SGCZ: variants seen among roughly 807,000 people sequenced by gnomAD.
SGCZ encodes the protein zeta-sarcoglycan.
A neutral mutation model predicts 41.3 loss-of-function variants in SGCZ; 40 were observed. The observed-to-expected ratio is 0.97, with a 90% CI of 0.75 to 1.26. SGCZ has a LOEUF of 1.26. SGCZ is among the 50% of genes most tolerant of loss of function. SGCZ has a pLI of 0.00. For missense variants in SGCZ, 552 were observed against 369.8 expected, an observed-to-expected ratio of 1.49 and a Z score of -4.04; for synonymous variants, 206 against 137.5, an observed-to-expected ratio of 1.50 and a Z score of -3.49.
At chr8:14,711,715 T>C (rs1218523690) in intron 1 of SGCZ, among the ~76,000 whole-genome samples, 4 of 152,012 alleles carry the variant, frequency 2.6e-5, no homozygotes, top group Non-Finnish European at 5.9e-5. Context: ...TTAGTGTTAA[T>C]AGTCCTTTTT....
chr8:14,996,304 A>T (rs1248415943), intron 1 of SGCZ, among the ~76,000 whole-genome samples: 1 of 152,246 alleles, frequency 6.6e-6, no homozygotes, highest in African/African-American at 2.4e-5. Context: ...ATTATTGAAA[A>T]GCATGTCTCT....
intron 3 of SGCZ, among the ~76,000 whole-genome samples, chr8:14,315,126 G>A (rs1475514837): frequency 1.3e-5 from 2 of 152,038 alleles, no homozygotes; most frequent in African/African-American, 2.4e-5. Flanking sequence ...TTTGAATTCT[G>A]GCTCACCTTG....
rs10547341 is a variant in SGCZ, at chr8:14,630,236, A to AT, written c.40-75311dup. On this transcript the variant is annotated intron_variant, in intron 1 of 7. Transcript: ENST00000382080. ...AAAGTTATTTTTCACATGTGTTTTG[A>AT]TTTTTTTTTTTTGGTTTCTCTAGTG... 3.8e-3 allele frequency among the ~76,000 whole-genome samples: 558 copies of AT among 147,090 alleles called. 4 individuals are homozygous for AT. The highest frequency in any genetic ancestry group is 5.5e-3 in the African/African-American group (221 of 40,066).
chr8:14,588,101 G>C (rs1436627262), intron 1 of SGCZ, among the ~76,000 whole-genome samples: 1 of 151,664 alleles, frequency 6.6e-6, no homozygotes, highest in African/African-American at 2.4e-5. Flanking sequence ...CATTAATTCA[G>C]ACTGTTTCAG....
chr8:15,118,249 A>G (rs969306236), intron 1 of SGCZ, among the ~76,000 whole-genome samples: 3 of 152,236 alleles, frequency 2.0e-5, no homozygotes, highest in African/African-American at 7.2e-5. Context: ...GAGATTTCCT[A>G]TATTTCTGAG....
intron 1 of SGCZ, among the ~76,000 whole-genome samples, chr8:14,739,990 C>T (rs1291645117): frequency 6.6e-6 from 1 of 151,974 alleles, no homozygotes. Context: ...GCTCCTTTTG[C>T]AAGCACATCT....
chr8:14,631,056 A>C (rs1187510533), intron 1 of SGCZ, among the ~76,000 whole-genome samples: 1 of 152,096 alleles, frequency 6.6e-6, no homozygotes, highest in Non-Finnish European at 1.5e-5. Flanking sequence ...TATATGTAAT[A>C]AAAAAGAAAG....
intron 1 of SGCZ, among the ~76,000 whole-genome samples, chr8:14,683,732 T>A (rs1179187641): frequency 2.0e-5 from 3 of 152,140 alleles, no homozygotes; most frequent in African/African-American, 7.2e-5. Flanking sequence ...GTTTTATTCT[T>A]CCTTCAGTGA....
chr8:14,226,783 GTT>G (rs2117136560), intron 4 of SGCZ, among the ~76,000 whole-genome samples: 1 of 152,178 alleles, frequency 6.6e-6, no homozygotes, highest in East Asian at 1.9e-4. Flanking sequence ...GGGAAACTGT[GTT>G]TTTAGAAAGG....
intron 1 of SGCZ, among the ~76,000 whole-genome samples, chr8:14,891,968 A>G (rs1161820709): frequency 6.6e-6 from 1 of 152,232 alleles, no homozygotes; most frequent in African/African-American, 2.4e-5. Flanking sequence ...TGCACACTTA[A>G]CAGACATCAC....
chr8:14,898,801 T>C (rs1386051121), intron 1 of SGCZ, among the ~76,000 whole-genome samples: 1 of 152,174 alleles, frequency 6.6e-6, no homozygotes, highest in Non-Finnish European at 1.5e-5. Flanking sequence ...AATAATTCAG[T>C]GAGTGCCACC....
intron 3 of SGCZ, among the ~76,000 whole-genome samples, chr8:14,256,458 G>A (rs957964377): frequency 5.3e-5 from 8 of 151,994 alleles, no homozygotes; most frequent in Admixed American, 5.3e-4. Context: ...AAACATTTCA[G>A]CTCCTTCAGA....
At chr8:14,959,177 G>A (rs1800885574) in intron 1 of SGCZ, among the ~76,000 whole-genome samples, 1 of 151,996 alleles carries the variant, frequency 6.6e-6, no homozygotes, top group African/African-American at 2.4e-5. Flanking sequence ...ACGTTTCAGA[G>A]GTCTGACAGA....
chr8:14,763,161 G>C (rs1234515082), intron 1 of SGCZ, among the ~76,000 whole-genome samples: 2 of 152,098 alleles, frequency 1.3e-5, no homozygotes, highest in African/African-American at 2.4e-5. Flanking sequence ...GTCAGATACT[G>C]GTTAAAATAG....
intron 1 of SGCZ, among the ~76,000 whole-genome samples, chr8:14,873,713 C>A (rs1261925475): frequency 4.6e-5 from 7 of 152,072 alleles, no homozygotes; most frequent in East Asian, 3.9e-4. Flanking sequence ...CCATGAGTAA[C>A]CCCAGCTCCT....
At chr8:14,640,003 T>A (rs1368419984) in intron 1 of SGCZ, among the ~76,000 whole-genome samples, 1 of 151,726 alleles carries the variant, frequency 6.6e-6, no homozygotes, top group African/African-American at 2.4e-5. Context: ...ATCAATCACA[T>A]TAAGAATAAA....
At chr8:15,157,892 C>T (rs974549874) in intron 1 of SGCZ, among the ~76,000 whole-genome samples, 9 of 152,210 alleles carry the variant, frequency 5.9e-5, no homozygotes, top group African/African-American at 1.9e-4. Flanking sequence ...AACGTAGAGA[C>T]CATCTGGCCT....
chr8:14,317,170 G>T (rs560165880), intron 3 of SGCZ, among the ~76,000 whole-genome samples: 1 of 152,098 alleles, frequency 6.6e-6, no homozygotes, highest in East Asian at 1.9e-4. Flanking sequence ...AAAACATTTA[G>T]CGCAATGTTT....
At chr8:14,640,643 T>C (rs562600343) in intron 1 of SGCZ, among the ~76,000 whole-genome samples, 1 of 98,440 alleles carries the variant, frequency 1.0e-5, no homozygotes, top group South Asian at 3.4e-4. Context: ...CAAACATATA[T>C]ATAGGGGTGT....
Sources: allele counts gnomAD v4.1 joint callset (sites outside exome capture counted in the v4.1 genomes callset), GRCh38; gene constraint gnomAD v4.1.1; transcripts MANE v1.5; gene names NCBI Gene and HGNC (gene_info 2026-07-23, HGNC 2026-07-21).